Variants in RPS6KA2 observed in about 807,000 individuals in gnomAD.
RPS6KA2 encodes ribosomal protein S6 kinase alpha-2.
RPS6KA2 carries 42 observed loss-of-function variants against 91.8 expected under a neutral mutation model. That is an observed-to-expected ratio of 0.46 (90% CI 0.36 to 0.59). The LOEUF (loss-of-function observed/expected upper bound fraction) is 0.59. RPS6KA2 is among the 20% of genes least tolerant of loss of function. The pLI is 0.00. For synonymous variants in RPS6KA2, 414 were observed against 393.6 expected (o/e 1.05, Z -0.61); for missense variants, 798 against 978.5 (o/e 0.82, Z 2.46).
At chr6:166,496,076 C>T (rs1038663173) in intron 8 of RPS6KA2, among the ~76,000 whole-genome samples, 4 of 152,192 alleles carry the variant, frequency 2.6e-5, no homozygotes, top group African/African-American at 4.8e-5. Flanking sequence ...AAGAACTGGG[C>T]GTGGTGGCTC....
At chr6:166,536,615 C>T (rs534783436) in intron 2 of RPS6KA2, among the ~76,000 whole-genome samples, 20 of 152,280 alleles carry the variant, frequency 1.3e-4, no homozygotes, top group Non-Finnish European at 2.4e-4. Context: ...CATTAATCCA[C>T]GAAGCGGACC....
At position 166,747,825 on chromosome 6, in the gene RPS6KA2, C is replaced by T. The variant is rs559027361; in HGVS notation, c.123+110375G>A. Among the ~76,000 whole-genome samples, 138 of 152,312 alleles carry T rather than the reference C, an allele frequency of 9.1e-4. 2 individuals are homozygous for T. The highest frequency in any genetic ancestry group is 2.5e-3 in the South Asian group (12 of 4,826). ...TGGGGTGCTTCCTTTCCAATGCAAACGACCTCTGCAGGAGACAGGATGGCA... is the reference window on the plus strand; with the variant it reads ...TGGGGTGCTTCCTTTCCAATGCAAATGACCTCTGCAGGAGACAGGATGGCA... On this transcript the variant is annotated intron_variant, in intron 2 of 21. Coordinates refer to the RPS6KA2 transcript ENST00000503859.
At chr6:166,608,230 T>G (rs1462714758) in intron 1 of RPS6KA2, among the ~76,000 whole-genome samples, 1 of 152,076 alleles carries the variant, frequency 6.6e-6, no homozygotes, top group East Asian at 1.9e-4. Context: ...GGCAACAAAA[T>G]AAAATTTAGA....
intron 2 of RPS6KA2, among the ~76,000 whole-genome samples, chr6:166,720,875 A>G (rs1471013577): frequency 6.6e-6 from 1 of 152,244 alleles, no homozygotes; most frequent in Non-Finnish European, 1.5e-5. Context: ...CAGGGAGCCT[A>G]GAACCTCCCA....
intron 12 of RPS6KA2, among the ~76,000 whole-genome samples, chr6:166,457,643 T>C (rs997451846): frequency 1.3e-5 from 2 of 152,156 alleles, no homozygotes; most frequent in African/African-American, 2.4e-5. Flanking sequence ...CGGAATCAGC[T>C]TTCTTCCTGT....
At chr6:166,713,219 G>C (rs756191045) in intron 2 of RPS6KA2, among the ~76,000 whole-genome samples, 14 of 152,200 alleles carry the variant, frequency 9.2e-5, no homozygotes, top group Non-Finnish European at 2.9e-5. Flanking sequence ...CCCAGCTCCA[G>C]GGTGACCCAC....
At position 166,538,771 on chromosome 6, in the gene RPS6KA2, A is replaced by G; in HGVS notation, c.113T>C (p.Val38Ala). The G allele has an allele frequency of 1.3e-6, 2 of 1,592,078 alleles. No individual in the cohort carries two copies. The highest frequency in any genetic ancestry group is 1.7e-6 in the Non-Finnish European group (2 of 1,160,450). ...SLSRLEEEGV[V>A]KEIDISHHVK... ...ATGATGGCTGATGTCTATCTCCTTC[A>G]CGACGCCTTCTTCCTGCAAGAGAGC... The change falls in exon 2 of 21, where the codon GTG (valine) becomes GCG (alanine). Residue 38 changes from valine to alanine, a missense_variant. Val to Ala is a moderately conservative substitution (Grantham distance 64, BLOSUM62 0). Transcript: ENST00000265678.
chr6:166,740,377 T>A (rs962253688), intron 2 of RPS6KA2, among the ~76,000 whole-genome samples: 2 of 152,212 alleles, frequency 1.3e-5, no homozygotes, highest in African/African-American at 2.4e-5. Context: ...TCTATCAAAG[T>A]AGCAGAGAGG....
intron 2 of RPS6KA2, among the ~76,000 whole-genome samples, chr6:166,845,237 TAAAG>T (rs1252266479): frequency 2.0e-5 from 3 of 151,974 alleles, no homozygotes; most frequent in African/African-American, 7.3e-5. Context: ...ACCTAAGAAA[TAAAG>T]AGACAGCAAC....
At chr6:166,713,522 G>A (rs1216166032) in intron 2 of RPS6KA2, among the ~76,000 whole-genome samples, 1 of 152,176 alleles carries the variant, frequency 6.6e-6, no homozygotes. Flanking sequence ...CCAGTGCGTA[G>A]ATATCTGGGT....
intron 1 of RPS6KA2, among the ~76,000 whole-genome samples, chr6:166,570,238 C>T (rs1163243880): frequency 6.6e-6 from 1 of 152,188 alleles, no homozygotes; most frequent in East Asian, 1.9e-4. Context: ...CCTCGGGGAG[C>T]AGCACTGAAA....
At chr6:166,551,728 G>C (rs1013232916) in intron 1 of RPS6KA2, among the ~76,000 whole-genome samples, 1 of 152,082 alleles carries the variant, frequency 6.6e-6, no homozygotes, top group African/African-American at 2.4e-5. Flanking sequence ...GTTTAGAAAC[G>C]GCCTCACCAG....
At chr6:166,798,173 T>C (rs1424763648) in intron 2 of RPS6KA2, among the ~76,000 whole-genome samples, 1 of 152,226 alleles carries the variant, frequency 6.6e-6, no homozygotes, top group Non-Finnish European at 1.5e-5. Flanking sequence ...ACTGTAGCTA[T>C]TGAACAATGG....
chr6:166,544,171 G>A (rs1012805793), intron 1 of RPS6KA2, among the ~76,000 whole-genome samples: 1 of 152,216 alleles, frequency 6.6e-6, no homozygotes, highest in East Asian at 1.9e-4. Context: ...ATTCTTAAAG[G>A]GATACTTGAT....
In RPS6KA2 at chr6:166,626,485, C is replaced by CGGCA. The variant is rs1786880363; in HGVS notation, c.99+432_99+435dup. Among the ~76,000 whole-genome samples, 2 of 152,236 alleles carry CGGCA rather than the reference C, an allele frequency of 1.3e-5. No individual in the cohort carries two copies. The highest frequency in any genetic ancestry group is 4.1e-4 in the South Asian group (2 of 4,838). The stretch of plus-strand genomic sequence containing the variant: ...TAAGGTGGAACCTGCCGGCCGGGCA[C>CGGCA]GGCAGACAGCACCTGATCAGCGCCT... On this transcript the variant is annotated intron_variant, in intron 1 of 20. Transcript: ENST00000265678. This position sits in a 1 kb window ranked among gnomAD's most constrained non-coding sequence, Gnocchi z 4.1.
intron 1 of RPS6KA2, among the ~76,000 whole-genome samples, chr6:166,565,932 T>C (rs1281370640): frequency 6.6e-6 from 1 of 152,200 alleles, no homozygotes; most frequent in Non-Finnish European, 1.5e-5. Context: ...GGAGGACATT[T>C]CTAACAAAAC....
At chr6:166,774,334 G>A (rs1562431728) in intron 2 of RPS6KA2, among the ~76,000 whole-genome samples, 1 of 152,222 alleles carries the variant, frequency 6.6e-6, no homozygotes, top group Admixed American at 6.5e-5. Context: ...TGATAGACTC[G>A]ATATCAGCTA....
At chr6:166,642,160 A>C (rs973929286) in intron 2 of RPS6KA2, among the ~76,000 whole-genome samples, 2 of 152,208 alleles carry the variant, frequency 1.3e-5, no homozygotes, top group African/African-American at 4.8e-5. Context: ...AGCAACCAGA[A>C]GAAAAGACAA....
intron 16 of RPS6KA2, among the ~76,000 whole-genome samples, chr6:166,424,795 C>A (rs111778312): frequency 0.011 from 1,648 of 152,324 alleles, 28 homozygotes; most frequent in African/African-American, 0.036. Flanking sequence ...TTAATGAATT[C>A]TTTACCCGTT....
Sources: allele counts gnomAD v4.1 joint callset (sites outside exome capture counted in the v4.1 genomes callset), GRCh38; gene constraint gnomAD v4.1.1; non-coding constraint Gnocchi (gnomAD v3.1); transcripts MANE v1.5; gene names NCBI Gene and HGNC (gene_info 2026-07-23, HGNC 2026-07-21).